The following NRXN3 variants were observed in gnomAD, a reference collection of about 807,000 sequenced individuals.
NRXN3 encodes the protein neurexin III.
Under a neutral mutation model 137.6 loss-of-function variants are expected in NRXN3, and 32 were observed. The ratio of observed to expected loss-of-function variants is 0.23; its 90% CI spans 0.18 to 0.31. The LOEUF (loss-of-function observed/expected upper bound fraction) is 0.31. Among genes scored for constraint, NRXN3 ranks in the 10% least tolerant of loss-of-function variants. NRXN3 has a pLI of 1.00. For missense variants in NRXN3, 1,574 were observed against 2,062.5 expected, an observed-to-expected ratio of 0.76 and a Z score of 4.59; for synonymous variants, 798 against 784.5, an observed-to-expected ratio of 1.02 and a Z score of -0.29.
intron 15 of NRXN3, among the ~76,000 whole-genome samples, chr14:79,051,511 C>T (rs1461750390): frequency 1.3e-5 from 2 of 152,132 alleles, no homozygotes; most frequent in African/African-American, 4.8e-5. Context: ...TTGTTCAGTC[C>T]AGTTTTAATT....
intron 15 of NRXN3, among the ~76,000 whole-genome samples, chr14:79,298,051 C>T (rs2084492376): frequency 6.6e-6 from 1 of 151,976 alleles, no homozygotes; most frequent in African/African-American, 2.4e-5. Flanking sequence ...GTCTTCATTT[C>T]TGTCTATTTT....
At chr14:79,638,273 A>T (rs221473) in intron 16 of NRXN3, among the ~76,000 whole-genome samples, 44,736 of 152,050 alleles carry the variant, frequency 0.29, 9,815 homozygotes, top group African/African-American at 0.63. Context: ...TTTCCTTGAT[A>T]ATGTGGTCTT....
intron 10 of NRXN3, among the ~76,000 whole-genome samples, chr14:78,825,361 G>A (rs532761950): frequency 3.3e-5 from 5 of 152,216 alleles, no homozygotes; most frequent in South Asian, 2.1e-4. Flanking sequence ...GCAGAGTTGC[G>A]TGATAGAAAG....
intron 15 of NRXN3, among the ~76,000 whole-genome samples, chr14:79,102,973 T>C (rs1044108083): frequency 5.9e-5 from 9 of 152,186 alleles, no homozygotes; most frequent in Non-Finnish European, 1.3e-4. Flanking sequence ...TCTTGTCAGG[T>C]CTGAGAGGTA....
At chr14:79,089,629 T>C (rs796497104) in intron 15 of NRXN3, among the ~76,000 whole-genome samples, 75 of 152,268 alleles carry the variant, frequency 4.9e-4, no homozygotes, top group African/African-American at 1.7e-3. Context: ...TTTGACAAGC[T>C]TAGAAACTTT....
Position 79,736,325 on chromosome 14 carries a change from T to C in NRXN3, c.4014+38388T>C, listed in dbSNP as rs1253866495. 2.0e-5 allele frequency among the ~76,000 whole-genome samples: 3 copies of C among 152,216 alleles called. No individual in the cohort carries two copies. The East Asian group carries it at 5.8e-4, about 29-fold the overall frequency. On this transcript the variant is annotated intron_variant, in intron 19 of 20. Coordinates refer to ENST00000335750, the MANE Select transcript of NRXN3 (RefSeq NM_001330195.2). Reference sequence around the variant, plus strand: ...AACCTAGATGAGTTACCAGGATATATAGTTTGAAATATTAACTTTAAACAT... The same window carrying C: ...AACCTAGATGAGTTACCAGGATATACAGTTTGAAATATTAACTTTAAACAT...
chr14:79,577,717 A>G (rs1394099271), intron 16 of NRXN3, among the ~76,000 whole-genome samples: 3 of 152,240 alleles, frequency 2.0e-5, no homozygotes, highest in Non-Finnish European at 2.9e-5. Flanking sequence ...TAAATGTGGC[A>G]CATAGTAGAG....
intron 15 of NRXN3, among the ~76,000 whole-genome samples, chr14:79,096,364 C>A (rs2050333434): frequency 6.6e-6 from 1 of 152,084 alleles, no homozygotes; most frequent in Non-Finnish European, 1.5e-5. Context: ...CTCACCTTGG[C>A]CTCCCAAAGT....
intron 15 of NRXN3, among the ~76,000 whole-genome samples, chr14:79,102,958 C>T (rs1412299918): frequency 6.6e-6 from 1 of 152,112 alleles, no homozygotes; most frequent in Non-Finnish European, 1.5e-5. Context: ...ATTTTTAATA[C>T]ATTGTCTTGT....
chr14:79,131,424 G>T lies in NRXN3; in HGVS notation c.3262+143283G>T, dbSNP rs1245003188. ...CAGGACCCTCAGCTGCAGGTCTGTTGGAGTACCCAGCCGTGTGAGGTGTCA... is the reference window on the plus strand; with the variant it reads ...CAGGACCCTCAGCTGCAGGTCTGTTTGAGTACCCAGCCGTGTGAGGTGTCA... On this transcript the variant is annotated intron_variant, in intron 15 of 20. Coordinates refer to ENST00000335750, the MANE Select transcript of NRXN3 (RefSeq NM_001330195.2). 2.6e-5 allele frequency among the ~76,000 whole-genome samples: 4 copies of T among 152,176 alleles called. No individual in the cohort carries two copies. In the East Asian group the frequency reaches 7.7e-4, roughly 29 times the overall value.
In NRXN3 at chr14:79,420,743, TCA is replaced by T. The variant is rs559268547; in HGVS notation, c.3263-46476_3263-46475del. Among the ~76,000 whole-genome samples the T allele has an allele frequency of 1.9e-4, 29 of 152,294 alleles. 2 individuals are homozygous for T. The South Asian group carries it at 6.0e-3, about 32-fold the overall frequency. ...TCAATGCAAAAGAAGCCTAAAATATTCACCTGTAATCTATTTATATCAACCTT... is the reference window on the plus strand; with the variant it reads ...TCAATGCAAAAGAAGCCTAAAATATTCCTGTAATCTATTTATATCAACCTT... On this transcript the variant is annotated intron_variant, in intron 15 of 20. Transcript: ENST00000335750.
intron 16 of NRXN3, among the ~76,000 whole-genome samples, chr14:79,547,419 C>G (rs920822412): frequency 6.6e-6 from 1 of 152,190 alleles, no homozygotes; most frequent in Non-Finnish European, 1.5e-5. Context: ...ATGCTGAAAA[C>G]TGAATAAATA....
At chr14:78,178,220 C>T (rs189248723) in intron 1 of NRXN3, among the ~76,000 whole-genome samples, 137 of 152,328 alleles carry the variant, frequency 9.0e-4, no homozygotes, top group Non-Finnish European at 1.5e-3. Context: ...ATGGGCCTGT[C>T]CTCTGGTTCC....
chr14:79,495,702 A>G (rs540153881), intron 16 of NRXN3, among the ~76,000 whole-genome samples: 1 of 152,304 alleles, frequency 6.6e-6, no homozygotes, highest in African/African-American at 2.4e-5. Flanking sequence ...CACAATAGAT[A>G]GGAAAATTGC....
intron 1 of NRXN3, among the ~76,000 whole-genome samples, chr14:78,219,738 G>A (rs1423974967): frequency 6.6e-6 from 1 of 152,216 alleles, no homozygotes; most frequent in Non-Finnish European, 1.5e-5. Flanking sequence ...GCAGAAAGGA[G>A]CTTCTTTAGA....
chr14:78,400,322 G>A (rs183096415), intron 4 of NRXN3, among the ~76,000 whole-genome samples: 256 of 152,232 alleles, frequency 1.7e-3, no homozygotes, highest in African/African-American at 5.4e-3. Flanking sequence ...CTATAAACTC[G>A]AAGTAAAGTT....
chr14:79,252,267 C>G (rs974554664), intron 15 of NRXN3, among the ~76,000 whole-genome samples: 5 of 152,104 alleles, frequency 3.3e-5, no homozygotes, highest in African/African-American at 4.8e-5. Context: ...GTTTATCTTC[C>G]AAGATCTTAA....
At chr14:78,659,006 C>A (rs1356797755) in intron 6 of NRXN3, among the ~76,000 whole-genome samples, 2 of 152,156 alleles carry the variant, frequency 1.3e-5, no homozygotes, top group African/African-American at 2.4e-5. Context: ...ATGTCCTCTG[C>A]AAATTCATAT....
intron 15 of NRXN3, among the ~76,000 whole-genome samples, chr14:79,382,692 G>A (rs531476022): frequency 6.6e-5 from 10 of 152,112 alleles, no homozygotes; most frequent in Admixed American, 2.0e-4. Flanking sequence ...CTAGGGAGCC[G>A]GAAAGCAAAG....
Sources: gnomAD v4.1 joint callset for allele counts (sites outside exome capture counted in the v4.1 genomes callset) on GRCh38, gnomAD v4.1.1 for gene constraint, MANE v1.5 for transcripts, NCBI Gene and HGNC (gene_info 2026-07-23, HGNC 2026-07-21) for gene names.